The following PLOD3 variants were observed in gnomAD, a reference collection of about 807,000 sequenced individuals.
PLOD3 encodes multifunctional procollagen lysine hydroxylase and glycosyltransferase LH3.
A neutral mutation model predicts 96.9 loss-of-function variants in PLOD3; 73 were observed. The ratio of observed to expected loss-of-function variants is 0.75; its 90% CI spans 0.62 to 0.92. The LOEUF (loss-of-function observed/expected upper bound fraction) is 0.92. Among genes scored for constraint, PLOD3 ranks in the 40% least tolerant of loss-of-function variants. PLOD3 has a pLI of 0.00. For missense variants in PLOD3, 1,004 were observed against 1,004.3 expected, an observed-to-expected ratio of 1.00 and a Z score of 0.00; for synonymous variants, 454 against 413.7, an observed-to-expected ratio of 1.10 and a Z score of -1.18.
intron 16 of PLOD3, 115 bp from the exon 17 acceptor site, chr7:101,207,839 CA>C: frequency 8.7e-7 from 1 of 1,145,234 alleles, no homozygotes; most frequent in African/African-American, 1.5e-5. Flanking sequence ...TTCCTCTGTG[CA>C]GAACAGTCTT....
Position 101,215,972 on chromosome 7 carries a change from T to C in PLOD3, c.551A>G (p.Lys184Arg). Reference sequence around the variant, plus strand: ...CTGGTCGTCGTCATCATCCTTGTACTTCCACTGGCGCACGATTTGGTGGAT... The same window carrying C: ...CTGGTCGTCGTCATCATCCTTGTACCTCCACTGGCGCACGATTTGGTGGAT... ...TTIHQIVRQWKYKDDDDDQLF... is the reference protein window; with the variant it reads ...TTIHQIVRQWRYKDDDDDQLF... The change falls in exon 5 of 19, where the codon AAG (lysine) becomes AGG (arginine). Residue 184 changes from lysine to arginine, a missense_variant. By Grantham distance (26) the Lys-to-Arg change is conservative. Transcript: ENST00000223127. 1 of 1,614,098 alleles carries C rather than the reference T, an allele frequency of 6.2e-7. No homozygotes were observed. The highest frequency in any genetic ancestry group is 8.5e-7 in the Non-Finnish European group (1 of 1,179,994).
intron 18 of PLOD3, 70 bp downstream of exon 18, chr7:101,206,709 G>A (rs1012542081): frequency 6.4e-5 from 97 of 1,511,874 alleles, no homozygotes; most frequent in Non-Finnish European, 7.9e-5. Flanking sequence ...GGGGATGCAC[G>A]CAGGGGCTCT....
At chr7:101,207,233 C>T (rs1249756873) in intron 17 of PLOD3, among the ~76,000 whole-genome samples, 3 of 152,074 alleles carry the variant, frequency 2.0e-5, no homozygotes, top group Admixed American at 6.6e-5. Context: ...ACCTCAGCCT[C>T]GCAAAGTGCT....
chr7:101,208,521 G>T, intron 16 of PLOD3: 1 of 359,088 alleles, frequency 2.8e-6, no homozygotes, highest in South Asian at 2.1e-5. Flanking sequence ...GATTACAGGC[G>T]TGAGCCACCG....
chr7:101,210,223 C>T (rs930695446), intron 14 of PLOD3, 62 bp from the exon 15 acceptor site: 61 of 1,480,068 alleles, frequency 4.1e-5, no homozygotes, highest in South Asian at 2.4e-4. Context: ...CCCAGGGGAC[C>T]GCCCCCTCCC....
In PLOD3 at chr7:101,215,098, C is replaced by T. The variant is rs377578690; in HGVS notation, c.670G>A (p.Gly224Arg). The T allele has an allele frequency of 3.1e-6, 5 of 1,612,254 alleles. No homozygotes were observed. The highest frequency in any genetic ancestry group is 2.7e-5 in the African/African-American group (2 of 75,056). ...HKSRIFQNLN[G>R]ALDEVVLKFD... ...CTGTCTTCCTCCTCACCTAAAGCCC[C>T]GTTGAGGTTCTGAAAGATCCGAGAC... Residue 224 changes from glycine (G) to arginine (R), a missense_variant, in exon 6 of 19, where the codon GGG becomes AGG. Gly to Arg is a moderately radical substitution (Grantham distance 125, BLOSUM62 -2). Transcript: ENST00000223127.
rs775960819 is a variant in PLOD3, at chr7:101,207,592, C to T, written c.1921G>A (p.Gly641Ser). The change falls in exon 17 of 19, where the codon GGT (glycine) becomes AGT (serine). Residue 641 changes from glycine (G) to serine (S), a missense_variant. Transcript: ENST00000223127. ...VGPMTESLFP[G>S]YHTKARAVMN... ...GGGCAGCGCACCTTGGTGTGGTAAC[C>T]GGGAAACAGGCTCTCGGTCATGGGG... 1.5e-5 allele frequency: 25 copies of T among 1,613,970 alleles called. No individual in the cohort carries two copies. The highest frequency in any genetic ancestry group is 4.5e-5 in the East Asian group (2 of 44,876).
At chr7:101,213,062 G>C (rs760955231) in intron 7 of PLOD3, 45 bp downstream of exon 7, 2 of 1,448,244 alleles carry the variant, frequency 1.4e-6, no homozygotes, top group Non-Finnish European at 1.9e-6. Context: ...GAGGTGCCTG[G>C]GGGTTGGGGC....
At position 101,211,831 on chromosome 7, in the gene PLOD3, GA is replaced by G. The variant is rs1798186502; in HGVS notation, c.1232+14del. 1 of 1,604,152 alleles carries G rather than the reference GA, an allele frequency of 6.2e-7. No individual in the cohort carries two copies. Among genetic ancestry groups the G allele is most frequent in the Admixed American group, 1.7e-5 (1 of 59,186 alleles). ...TTGGGGTGCCCTCCGGCTGCGGGGA[GA>G]GGGGGTAAGCCACCTGTTCTCCTCA... On this transcript the variant is annotated intron_variant, in intron 11 of 18. Transcript: ENST00000223127.
intron 7 of PLOD3, 44 bp from the exon 8 acceptor site, chr7:101,212,987 G>A (rs1270935920): frequency 6.8e-7 from 1 of 1,471,178 alleles, no homozygotes; most frequent in Non-Finnish European, 9.5e-7. Context: ...GCCTCCAGGG[G>A]TGGAGGTGGG....
intron 18 of PLOD3, 38 bp downstream of exon 18, chr7:101,206,741 G>A (rs1016497266): frequency 6.4e-7 from 1 of 1,567,754 alleles, no homozygotes; most frequent in Non-Finnish European, 8.7e-7. Flanking sequence ...CGAGGGTCCT[G>A]AGGTGAAGCG....
chr7:101,206,905 C>T lies in PLOD3; in HGVS notation c.1936-1G>A. 6.4e-7 allele frequency: 1 copy of T among 1,556,012 alleles called. No individual in the cohort carries two copies. The highest frequency in any genetic ancestry group is 8.7e-7 in the Non-Finnish European group (1 of 1,149,254). On this transcript the variant is annotated splice_acceptor_variant, in intron 17 of 18. Transcript: ENST00000223127. LOFTEE classifies it high-confidence loss of function. ...CCACAAAGTTCATCACCGCCCGCGC[C>T]TGGGGGAGAGGAGGGAAGAGGCTGC...
chr7:101,207,207 C>A (rs1364656269), intron 17 of PLOD3, among the ~76,000 whole-genome samples: 1 of 152,052 alleles, frequency 6.6e-6, no homozygotes, highest in Non-Finnish European at 1.5e-5. Flanking sequence ...AACTCCTGAC[C>A]TCAGGTGATC....
At chr7:101,208,529 C>T (rs1385015454) in intron 16 of PLOD3, 2 of 363,492 alleles carry the variant, frequency 5.5e-6, no homozygotes, top group Admixed American at 3.7e-5. Flanking sequence ...GCGTGAGCCA[C>T]CGCACCTGGC....
intron 15 of PLOD3, 47 bp downstream of exon 15, chr7:101,210,046 G>T: frequency 8.5e-7 from 1 of 1,171,880 alleles, no homozygotes; most frequent in Non-Finnish European, 1.2e-6. Context: ...CCCAAGAGGC[G>T]ATGGCCATGA....
intron 4 of PLOD3, 22 bp downstream of exon 4, chr7:101,216,141 C>T: frequency 6.2e-7 from 1 of 1,614,058 alleles, no homozygotes; most frequent in Non-Finnish European, 8.5e-7. Flanking sequence ...GGCCCCTCTG[C>T]CTTGGGCACT....
At chr7:101,212,708 C>A (rs1798205863) in intron 8 of PLOD3, 53 bp from the exon 9 acceptor site, 1 of 1,609,184 alleles carries the variant, frequency 6.2e-7, no homozygotes, top group Admixed American at 1.7e-5. Context: ...TTCCCTGCTG[C>A]CCCCACCCAA....
rs377320080 is a variant in PLOD3 at position 101,212,916 on chromosome 7, C to T, written c.805G>A (p.Val269Ile). The T allele has an allele frequency of 2.8e-4, 456 of 1,613,544 alleles. 9 individuals carry two copies. In the South Asian group the frequency reaches 3.5e-3, roughly 13 times the overall value. Residue 269 changes from valine (V) to isoleucine (I), a missense_variant, in exon 8 of 19, where the codon GTC becomes ATC. Transcript: ENST00000223127. ...CCCTCAGGAGTCCAGCCATTGGGGA[C>T]GTAGTTTCCCAGGTAGTTGAGCTGC... Reference protein sequence around the residue: ...KLQLNYLGNYVPNGWTPEGGC... With the variant: ...KLQLNYLGNYIPNGWTPEGGC...
At chr7:101,211,566 G>A (rs544323275) in intron 12 of PLOD3, 25 bp downstream of exon 12, 4 of 1,594,858 alleles carry the variant, frequency 2.5e-6, no homozygotes, top group Admixed American at 1.8e-5. Flanking sequence ...GAGGAGGCGG[G>A]GGGCTGCAGG....
Sources: gnomAD v4.1 joint callset for allele counts (sites outside exome capture counted in the v4.1 genomes callset) on GRCh38, gnomAD v4.1.1 for gene constraint, MANE v1.5 for transcripts, NCBI Gene and HGNC (gene_info 2026-07-23, HGNC 2026-07-21) for gene names.